The following ADAM18 variants were observed in gnomAD, a reference collection of about 807,000 sequenced individuals.
ADAM18 encodes the protein ADAM metallopeptidase domain 18, also known as disintegrin and metalloproteinase domain-containing protein 18.
Under a neutral mutation model 94.4 loss-of-function variants are expected in ADAM18, and 117 were observed. The observed-to-expected ratio is 1.24, with a 90% CI of 1.07 to 1.45. The LOEUF (loss-of-function observed/expected upper bound fraction) is 1.45, where lower values mean the gene tolerates loss of function less well. Ranked by LOEUF, ADAM18 falls within the 40% of genes most tolerant of loss-of-function variation. The pLI is 0.00. For synonymous variants in ADAM18, 327 were observed against 291.6 expected, an observed-to-expected ratio of 1.12 and a Z score of -1.24; for missense variants, 936 against 880.0, an observed-to-expected ratio of 1.06 and a Z score of -0.81.
intron 2 of ADAM18, among the ~76,000 whole-genome samples, chr8:39,595,289 A>ACTTTCAC (rs1422435798): frequency 6.6e-6 from 1 of 152,008 alleles, no homozygotes; most frequent in East Asian, 1.9e-4. Flanking sequence ...CACAGGGCTG[A>ACTTTCAC]CTTTCACTGC....
At chr8:39,679,825 T>C (rs1431189430) in intron 15 of ADAM18, among the ~76,000 whole-genome samples, 1 of 152,202 alleles carries the variant, frequency 6.6e-6, no homozygotes, top group African/African-American at 2.4e-5. Flanking sequence ...AATGAAGTCG[T>C]GTCTTCACGC....
intron 14 of ADAM18, among the ~76,000 whole-genome samples, chr8:39,670,304 G>C (rs879545304): frequency 2.8e-4 from 42 of 152,204 alleles, no homozygotes; most frequent in South Asian, 1.0e-3. Context: ...CAAAAAACTA[G>C]TATGAATGCA....
chr8:39,691,804 T>C (rs1209641007), intron 16 of ADAM18, among the ~76,000 whole-genome samples: 1 of 152,014 alleles, frequency 6.6e-6, no homozygotes, highest in Non-Finnish European at 1.5e-5. Context: ...TATTTTTTGC[T>C]GAAATGCTCT....
At chr8:39,599,895 C>A (rs113887093) in intron 2 of ADAM18, among the ~76,000 whole-genome samples, 4,357 of 149,348 alleles carry the variant, frequency 0.029, 162 homozygotes, top group African/African-American at 0.09. Context: ...TTTTTAAATT[C>A]TGCCTACCAG....
chr8:39,618,413 A>T (rs989712692), intron 6 of ADAM18, among the ~76,000 whole-genome samples: 1 of 152,238 alleles, frequency 6.6e-6, no homozygotes, highest in Non-Finnish European at 1.5e-5. Flanking sequence ...ATTCTTTAAC[A>T]TAACATCTGT....
intron 15 of ADAM18, among the ~76,000 whole-genome samples, chr8:39,679,281 A>G (rs1821378115): frequency 6.6e-6 from 1 of 152,202 alleles, no homozygotes; most frequent in Non-Finnish European, 1.5e-5. Flanking sequence ...AATGGCTAAA[A>G]ATGATTATTC....
intron 7 of ADAM18, among the ~76,000 whole-genome samples, chr8:39,632,107 A>AT (rs1399393170): frequency 1.3e-5 from 2 of 151,242 alleles, no homozygotes; most frequent in African/African-American, 4.9e-5. Flanking sequence ...ATGAATTTTA[A>AT]TTTTTTTAAT....
chr8:39,657,606 G>A (rs1820723963), intron 12 of ADAM18, among the ~76,000 whole-genome samples: 1 of 152,142 alleles, frequency 6.6e-6, no homozygotes, highest in South Asian at 2.1e-4. Flanking sequence ...GTGAGCCACA[G>A]TGCCTGGCCT....
chr8:39,597,097 T>C (rs76524539), intron 2 of ADAM18, among the ~76,000 whole-genome samples: 136 of 152,246 alleles, frequency 8.9e-4, no homozygotes, highest in African/African-American at 3.1e-3. Flanking sequence ...GAGATGTCTG[T>C]TTAGGTTTTT....
At chr8:39,650,731 A>T (rs1200213034) in intron 12 of ADAM18, among the ~76,000 whole-genome samples, 1 of 152,220 alleles carries the variant, frequency 6.6e-6, no homozygotes, top group African/African-American at 2.4e-5. Context: ...TACATGTTCA[A>T]TGTAATCTCT....
chr8:39,656,535 A>T (rs1438757943), intron 12 of ADAM18, among the ~76,000 whole-genome samples: 1 of 152,206 alleles, frequency 6.6e-6, no homozygotes, highest in Non-Finnish European at 1.5e-5. Flanking sequence ...AGTGTAAAAC[A>T]TAAGCGAATA....
intron 2 of ADAM18, among the ~76,000 whole-genome samples, chr8:39,605,450 CTTT>C (rs942733171): frequency 1.3e-5 from 2 of 152,126 alleles, no homozygotes; most frequent in African/African-American, 4.8e-5. Flanking sequence ...TCTCTTAGCT[CTTT>C]TTCCACAGTT....
chr8:39,672,018 A>G (rs1366985395), intron 14 of ADAM18, among the ~76,000 whole-genome samples: 1 of 152,136 alleles, frequency 6.6e-6, no homozygotes, highest in Non-Finnish European at 1.5e-5. Context: ...ACTGGCATGG[A>G]TCCTAGAAGA....
At chr8:39,658,758 G>A (rs979803052) in intron 12 of ADAM18, among the ~76,000 whole-genome samples, 1 of 152,114 alleles carries the variant, frequency 6.6e-6, no homozygotes, top group African/African-American at 2.4e-5. Context: ...CCACTGCTGA[G>A]ATTTCTTTCC....
intron 3 of ADAM18, among the ~76,000 whole-genome samples, chr8:39,608,540 A>G (rs1260095377): frequency 6.6e-6 from 1 of 151,890 alleles, no homozygotes; most frequent in Non-Finnish European, 1.5e-5. Context: ...CTAGAATAAC[A>G]CTTCTGTGAA....
intron 12 of ADAM18, among the ~76,000 whole-genome samples, chr8:39,654,154 CT>C (rs1177248372): frequency 2.1e-4 from 29 of 139,846 alleles, no homozygotes; most frequent in East Asian, 4.3e-4. Flanking sequence ...GATTTCATTC[CT>C]TTTTTTTTTT....
At chr8:39,728,886 G>T (rs1313704745) in intron 19 of ADAM18, among the ~76,000 whole-genome samples, 3 of 152,062 alleles carry the variant, frequency 2.0e-5, no homozygotes, top group Admixed American at 2.0e-4. Flanking sequence ...AGCATGTCTG[G>T]CAAAAAAATT....
At chr8:39,648,649 T>G in intron 12 of ADAM18, 122 bp downstream of exon 12, 1 of 936,580 alleles carries the variant, frequency 1.1e-6, no homozygotes, top group Non-Finnish European at 1.5e-6. Context: ...AACTGAAATA[T>G]GAGAAACAGG....
At chr8:39,610,802 G>A (rs1225444963) in intron 6 of ADAM18, 96 bp downstream of exon 6, 4 of 1,380,788 alleles carry the variant, frequency 2.9e-6, no homozygotes, top group South Asian at 2.0e-5. Context: ...TGTTGAGTAG[G>A]AATATTAAAT....
Sources: gnomAD v4.1 joint callset for allele counts (sites outside exome capture counted in the v4.1 genomes callset) on GRCh38, gnomAD v4.1.1 for gene constraint, MANE v1.5 for transcripts, NCBI Gene and HGNC (gene_info 2026-07-23, HGNC 2026-07-21) for gene names.